Variants in PARD3 observed in about 807,000 individuals in gnomAD.
The protein encoded by PARD3 is par-3 family cell polarity regulator, also known as partitioning defective 3 homolog.
A neutral mutation model predicts 155.4 loss-of-function variants in PARD3; 75 were observed. That is an observed-to-expected ratio of 0.48 (90% CI 0.40 to 0.58). The LOEUF (loss-of-function observed/expected upper bound fraction) is 0.58, where lower values mean the gene tolerates loss of function less well. Ranked by LOEUF, PARD3 falls within the 20% of genes least tolerant of loss-of-function variation. PARD3 has a pLI of 0.00. For synonymous variants in PARD3, 576 were observed against 610.5 expected, an observed-to-expected ratio of 0.94 and a Z score of 0.83; for missense variants, 1,642 against 1,721.7, an observed-to-expected ratio of 0.95 and a Z score of 0.82.
intron 2 of PARD3, among the ~76,000 whole-genome samples, chr10:34,573,587 G>C (rs11009822): frequency 3.9e-5 from 6 of 152,164 alleles, no homozygotes; most frequent in East Asian, 1.9e-4. Context: ...GGCACCTGTA[G>C]TACCAACTAC....
intron 14 of PARD3, among the ~76,000 whole-genome samples, chr10:34,358,906 T>A (rs1839167296): frequency 6.6e-6 from 1 of 152,164 alleles, no homozygotes; most frequent in African/African-American, 2.4e-5. Context: ...GCTTTTGAGA[T>A]CCCAGTGTTT....
chr10:34,497,515 A>C (rs2080375863), intron 3 of PARD3, among the ~76,000 whole-genome samples: 1 of 152,134 alleles, frequency 6.6e-6, no homozygotes, highest in Admixed American at 6.5e-5. Context: ...TTTCCCCACA[A>C]TTAAGGTTAT....
chr10:34,638,770 C>A (rs962552956), intron 2 of PARD3, among the ~76,000 whole-genome samples: 1 of 152,218 alleles, frequency 6.6e-6, no homozygotes, highest in African/African-American at 2.4e-5. Flanking sequence ...ACCTGTCTGG[C>A]AAAACCACGT....
At chr10:34,432,825 TA>T (rs754067125) in intron 5 of PARD3, among the ~76,000 whole-genome samples, 1 of 151,932 alleles carries the variant, frequency 6.6e-6, no homozygotes, top group Non-Finnish European at 1.5e-5. Context: ...TAAAGTAACA[TA>T]AAAGTTCACC....
chr10:34,241,609 G>A (rs185727566), intron 22 of PARD3, among the ~76,000 whole-genome samples: 27 of 152,296 alleles, frequency 1.8e-4, no homozygotes, highest in African/African-American at 5.5e-4. Context: ...AGGGCAACAC[G>A]TCTTAATCAC....
chr10:34,405,651 T>C (rs1844387485), intron 5 of PARD3, among the ~76,000 whole-genome samples: 1 of 152,176 alleles, frequency 6.6e-6, no homozygotes, highest in African/African-American at 2.4e-5. Flanking sequence ...TCTAGGATTT[T>C]TACAATACCT....
At chr10:34,765,130 G>C (rs1173794282) in intron 1 of PARD3, among the ~76,000 whole-genome samples, 5 of 152,074 alleles carry the variant, frequency 3.3e-5, no homozygotes, top group Admixed American at 2.6e-4. Context: ...CCCCCAAAAA[G>C]ATACAGTTCA....
At chr10:34,711,604 T>A (rs2094449937) in intron 1 of PARD3, among the ~76,000 whole-genome samples, 1 of 152,198 alleles carries the variant, frequency 6.6e-6, no homozygotes. Flanking sequence ...TTACTCTAGA[T>A]AAGGTCTCCA....
In PARD3 at chr10:34,684,660, C is replaced by T. The variant is rs1191192057; in HGVS notation, c.222+11658G>A. Among the ~76,000 whole-genome samples, 3 of 152,026 alleles carry T rather than the reference C, an allele frequency of 2.0e-5. No homozygotes were observed. The East Asian group carries it at 5.8e-4, about 29-fold the overall frequency. On this transcript the variant is annotated intron_variant, in intron 2 of 24. Coordinates refer to ENST00000374788, the MANE Select transcript of PARD3 (RefSeq NM_001184785.2). ...TGACTGGCCTCTGCCTTCCATGCTG[C>T]CTCCTCATTCATTCTTCACACAGCC...
intron 12 of PARD3, among the ~76,000 whole-genome samples, chr10:34,366,582 C>T (rs960586887): frequency 1.3e-5 from 2 of 151,960 alleles, no homozygotes; most frequent in African/African-American, 4.8e-5. Context: ...ACCATCATAG[C>T]GTCACGCAGA....
chr10:34,512,096 T>C (rs2081433568), intron 3 of PARD3, among the ~76,000 whole-genome samples: 3 of 152,204 alleles, frequency 2.0e-5, no homozygotes, highest in Non-Finnish European at 4.4e-5. Context: ...AGCCTAGCAA[T>C]GATCAGTACC....
rs532229967 is a variant in PARD3, at chr10:34,169,364, C to T, written c.3420-37781G>A. 1.7e-3 allele frequency among the ~76,000 whole-genome samples: 253 copies of T among 152,190 alleles called. 2 individuals are homozygous for T. The highest frequency in any genetic ancestry group is 5.8e-3 in the African/African-American group (241 of 41,510). The stretch of plus-strand genomic sequence containing the variant: ...ACAGAAAATAGTTTGGGAGAAGACA[C>T]GCAGGAGAGCAGGAGATGACAAAAG... On this transcript the variant is annotated intron_variant, in intron 22 of 24. Coordinates refer to ENST00000374788, the MANE Select transcript of PARD3 (RefSeq NM_001184785.2).
chr10:34,239,907 A>C (rs949634500), intron 22 of PARD3, among the ~76,000 whole-genome samples: 3 of 152,200 alleles, frequency 2.0e-5, no homozygotes, highest in Admixed American at 2.0e-4. Context: ...AGAGTTTAAA[A>C]ATATTTTATT....
intron 2 of PARD3, among the ~76,000 whole-genome samples, chr10:34,658,493 G>A (rs76849915): frequency 0.012 from 1,763 of 152,196 alleles, 37 homozygotes; most frequent in African/African-American, 0.04. Context: ...AGGGGCAGAC[G>A]GTACCCACCC....
At chr10:34,785,676 G>T (rs930359953) in intron 1 of PARD3, among the ~76,000 whole-genome samples, 1 of 152,156 alleles carries the variant, frequency 6.6e-6, no homozygotes, top group Non-Finnish European at 1.5e-5. Flanking sequence ...TTTCAAAGCT[G>T]CAGTGAGCAG....
chr10:34,204,572 G>A (rs1951377115), intron 22 of PARD3, among the ~76,000 whole-genome samples: 1 of 152,114 alleles, frequency 6.6e-6, no homozygotes, highest in African/African-American at 2.4e-5. Context: ...AACAGGATGG[G>A]GGCTCAGATG....
At chr10:34,586,886 T>C (rs753979289) in intron 2 of PARD3, among the ~76,000 whole-genome samples, 8 of 151,554 alleles carry the variant, frequency 5.3e-5, no homozygotes, top group African/African-American at 1.7e-4. Context: ...GAGGCAGAGG[T>C]TGCGGTGAGC....
chr10:34,465,520 C>T (rs2077955821), intron 4 of PARD3, among the ~76,000 whole-genome samples: 1 of 152,058 alleles, frequency 6.6e-6, no homozygotes, highest in African/African-American at 2.4e-5. Flanking sequence ...AGCAACTAAA[C>T]CAAACAGAAA....
chr10:34,615,596 CAAAT>C (rs986224136), intron 2 of PARD3, among the ~76,000 whole-genome samples: 1 of 152,012 alleles, frequency 6.6e-6, no homozygotes, highest in South Asian at 2.1e-4. Flanking sequence ...CAAAAATAGA[CAAAT>C]AAAATTATAT....
Sources: allele counts gnomAD v4.1 joint callset (sites outside exome capture counted in the v4.1 genomes callset), GRCh38; gene constraint gnomAD v4.1.1; transcripts MANE v1.5; gene names NCBI Gene and HGNC (gene_info 2026-07-23, HGNC 2026-07-21).